Variants in TNR observed in about 807,000 individuals in gnomAD.
TNR encodes the protein tenascin R.
TNR carries 45 observed loss-of-function variants against 150.4 expected under a neutral mutation model. The ratio of observed to expected loss-of-function variants is 0.30; its 90% CI spans 0.24 to 0.38. TNR has a LOEUF of 0.38. Among genes scored for constraint, TNR ranks in the 10% least tolerant of loss-of-function variants. The pLI, the probability that TNR is intolerant of heterozygous loss-of-function variation, is 1.00. For missense variants in TNR, 1,544 were observed against 1,759.1 expected (o/e 0.88, Z 2.19); for synonymous variants, 687 against 678.4 (o/e 1.01, Z -0.20).
intron 2 of TNR, among the ~76,000 whole-genome samples, chr1:175,456,864 G>A (rs548190752): frequency 2.0e-5 from 3 of 152,146 alleles, no homozygotes; most frequent in Non-Finnish European, 4.4e-5. Context: ...CAAGAAAACC[G>A]GAGGTCAGGG....
chr1:175,581,151 G>C (rs1402471444), intron 1 of TNR, among the ~76,000 whole-genome samples: 2 of 152,186 alleles, frequency 1.3e-5, no homozygotes, highest in Admixed American at 6.5e-5. Context: ...GCTTTGCAGA[G>C]ACTGCTGCTG....
intron 2 of TNR, among the ~76,000 whole-genome samples, chr1:175,415,622 A>T (rs1444414539): frequency 6.6e-6 from 1 of 152,238 alleles, no homozygotes; most frequent in East Asian, 1.9e-4. Context: ...TCAGCCCAGC[A>T]TGTTCGTGGC....
chr1:175,393,204 G>C (rs953064986), intron 6 of TNR, among the ~76,000 whole-genome samples: 4 of 152,264 alleles, frequency 2.6e-5, no homozygotes, highest in East Asian at 3.9e-4. Flanking sequence ...GAGTAGAAAG[G>C]AATCTTAGGA....
intron 1 of TNR, among the ~76,000 whole-genome samples, chr1:175,647,162 T>C (rs1048746969): frequency 3.3e-5 from 5 of 152,228 alleles, no homozygotes; most frequent in African/African-American, 9.6e-5. Context: ...AAATCAATTG[T>C]TTAAAACAGC....
At position 175,406,240 on chromosome 1, in the gene TNR, A is replaced by T. The variant is rs1304972763; in HGVS notation, c.475T>A (p.Cys159Ser). The change falls in exon 3 of 23, where the codon TGC becomes AGC. Residue 159 changes from cysteine to serine, a missense_variant. Physicochemically the swap from Cys to Ser is moderately radical, Grantham distance 112 (BLOSUM62 -1). Coordinates refer to ENST00000367674, the MANE Select transcript of TNR (RefSeq NM_003285.3). ...SVLRDQCNAN[C>S]CQESAATGQL... ...CCTGTGGCAGCACTTTCTTGGCAGC[A>T]GTTGGCGTTGCACTGGTCTCGCAGC... The T allele has an allele frequency of 1.2e-6, 2 of 1,614,030 alleles. No individual in the cohort carries two copies. The highest frequency in any genetic ancestry group is 8.5e-7 in the Non-Finnish European group (1 of 1,179,952).
chr1:175,703,342 G>T (rs576811958), intron 1 of TNR, among the ~76,000 whole-genome samples: 4 of 152,266 alleles, frequency 2.6e-5, no homozygotes, highest in African/African-American at 9.6e-5. Context: ...ATGTTCCTTT[G>T]CACTCTTTGC....
At position 175,363,595 on chromosome 1, in the gene TNR, C is replaced by T. The variant is rs1651695907; in HGVS notation, c.2707+113G>A. On this transcript the variant is annotated intron_variant, in intron 13 of 22. Coordinates refer to ENST00000367674, the MANE Select transcript of TNR (RefSeq NM_003285.3). ...CCACTCTCATTCTGATGCAGCATGC[C>T]ACAGAGAAGAGGAAAAACGCAGGCA... 2.9e-6 allele frequency: 4 copies of T among 1,395,214 alleles called. No homozygotes were observed. In the East Asian group the frequency reaches 9.5e-5, roughly 33 times the overall value. The allele number at this position is 1,395,214 out of a possible 1,614,324, so 86.4% of individuals were successfully genotyped here. A position where few individuals can be genotyped will look rare whatever the true frequency, so the allele number is the denominator to read the frequency against.
chr1:175,710,153 G>C (rs1428621529), intron 1 of TNR, among the ~76,000 whole-genome samples: 1 of 152,220 alleles, frequency 6.6e-6, no homozygotes, highest in East Asian at 1.9e-4. Context: ...AGGAGCCCCT[G>C]GAAGATCACT....
chr1:175,410,692 A>G (rs916325157), intron 2 of TNR, among the ~76,000 whole-genome samples: 3 of 152,198 alleles, frequency 2.0e-5, no homozygotes, highest in African/African-American at 4.8e-5. Context: ...GGGCTGGTAC[A>G]TTAACATTGC....
At chr1:175,333,733 TG>T (rs1350638483) in intron 20 of TNR, among the ~76,000 whole-genome samples, 1 of 152,132 alleles carries the variant, frequency 6.6e-6, no homozygotes, top group Non-Finnish European at 1.5e-5. Context: ...GGAAGTAAAA[TG>T]GACACTATGA....
intron 8 of TNR, among the ~76,000 whole-genome samples, chr1:175,384,438 G>A (rs1346397764): frequency 1.3e-5 from 2 of 152,238 alleles, no homozygotes; most frequent in African/African-American, 4.8e-5. Context: ...CACCCCCTGG[G>A]TGACAGGGTG....
At position 175,710,578 on chromosome 1, in the gene TNR, C is replaced by T. The variant is rs115379780; in HGVS notation, c.-165+32648G>A. Among the ~76,000 whole-genome samples the T allele has an allele frequency of 2.0e-3, 299 of 152,212 alleles. 2 individuals carry two copies. Among genetic ancestry groups the T allele is most frequent in the African/African-American group, 6.9e-3 (287 of 41,520 alleles). On this transcript the variant is annotated intron_variant, in intron 1 of 22. Transcript: ENST00000367674. ...GTGAAGAGGCCCTCAGTACAGAGCC[C>T]TCCAGACAGCCCTCTTAAGTCCCAC... is the stretch of plus-strand genomic sequence containing the variant.
rs78555112 is a variant in TNR, at chr1:175,537,700, G to A, written c.-164-9331C>T. Among the ~76,000 whole-genome samples the A allele has an allele frequency of 9.5e-3, 1,449 of 152,334 alleles. 18 individuals carry two copies. Among genetic ancestry groups the A allele is most frequent in the African/African-American group, 0.033 (1,354 of 41,574 alleles). ...GAAGGACTCTGGGTTAGGTTGGGCT[G>A]TGAGCCAAAACCCTTCTGTATCCCC... is the stretch of plus-strand genomic sequence containing the variant. On this transcript the variant is annotated intron_variant, in intron 1 of 22. Coordinates refer to ENST00000367674, the MANE Select transcript of TNR (RefSeq NM_003285.3).
intron 4 of TNR, among the ~76,000 whole-genome samples, chr1:175,400,368 A>T (rs1653648009): frequency 6.6e-6 from 1 of 152,148 alleles, no homozygotes; most frequent in Non-Finnish European, 1.5e-5. Context: ...CTCTGGGAAA[A>T]TCTGTCTCAC....
chr1:175,521,599 C>T (rs1229620944), intron 2 of TNR, among the ~76,000 whole-genome samples: 1 of 152,232 alleles, frequency 6.6e-6, no homozygotes, highest in African/African-American at 2.4e-5. Context: ...CCATCAACAT[C>T]CTCAGAAACC....
At chr1:175,581,712 A>G (rs535323470) in intron 1 of TNR, among the ~76,000 whole-genome samples, 1 of 152,294 alleles carries the variant, frequency 6.6e-6, no homozygotes, top group South Asian at 2.1e-4. Flanking sequence ...TATATTTGCA[A>G]AATGACAGAT....
At chr1:175,472,664 G>A (rs1210568836) in intron 2 of TNR, among the ~76,000 whole-genome samples, 1 of 152,136 alleles carries the variant, frequency 6.6e-6, no homozygotes, top group Non-Finnish European at 1.5e-5. Context: ...CCAAATCGTG[G>A]TTACACAGCA....
At chr1:175,360,817 T>C (rs1651555477) in intron 14 of TNR, among the ~76,000 whole-genome samples, 1 of 152,196 alleles carries the variant, frequency 6.6e-6, no homozygotes, top group Non-Finnish European at 1.5e-5. Flanking sequence ...ACATGCATGA[T>C]ACCACGAGAC....
At chr1:175,547,765 A>G (rs1660770887) in intron 1 of TNR, among the ~76,000 whole-genome samples, 1 of 152,218 alleles carries the variant, frequency 6.6e-6, no homozygotes, top group African/African-American at 2.4e-5. Context: ...CCAAAGTGTG[A>G]CAGTGCAGAG....
Sources: allele counts gnomAD v4.1 joint callset (sites outside exome capture counted in the v4.1 genomes callset), GRCh38; gene constraint gnomAD v4.1.1; transcripts MANE v1.5; gene names NCBI Gene and HGNC (gene_info 2026-07-23, HGNC 2026-07-21).